The following OR3A3 variants were observed in gnomAD, a reference collection of about 807,000 sequenced individuals.
OR3A3 encodes olfactory receptor 3A3.
For missense variants in OR3A3, 275 were observed against 391.4 expected (o/e 0.70, Z 2.51); for synonymous variants, 103 against 163.9 (o/e 0.63, Z 2.84).
intron 2 of OR3A3, among the ~76,000 whole-genome samples, chr17:3,418,964 C>G (rs1035322477): frequency 6.6e-6 from 1 of 152,168 alleles, no homozygotes; most frequent in Non-Finnish European, 1.5e-5. Context: ...GAATGAAGGA[C>G]AAGTAGAAGA....
exon 2 of OR3A3, chr17:3,412,037 A>G (rs1299186666): frequency 6.6e-6 from 1 of 151,810 alleles, no homozygotes; most frequent in East Asian, 2.0e-4. Flanking sequence ...CCCTGTACAG[A>G]GAAGACAGCA....
At chr17:3,416,600 G>A (rs1455101723) in intron 2 of OR3A3, among the ~76,000 whole-genome samples, 1 of 152,038 alleles carries the variant, frequency 6.6e-6, no homozygotes, top group East Asian at 1.9e-4. Flanking sequence ...ATAGTAGTCT[G>A]TTTAGATTTT....
intron 2 of OR3A3, 56 bp from the exon 3 acceptor site, chr17:3,420,524 A>G (rs757163829): frequency 1.3e-6 from 2 of 1,579,638 alleles, no homozygotes; most frequent in Non-Finnish European, 1.7e-6. Flanking sequence ...ATGGTTTAAA[A>G]TGTTAATGTG....
chr17:3,413,868 C>G (rs887457736), intron 2 of OR3A3, among the ~76,000 whole-genome samples: 1 of 150,268 alleles, frequency 6.7e-6, no homozygotes, highest in Non-Finnish European at 1.5e-5. Context: ...CTTTAAGGAC[C>G]TCTTAGAGAT....
chr17:3,415,528 T>G (rs1297866627), intron 2 of OR3A3, among the ~76,000 whole-genome samples: 1 of 142,406 alleles, frequency 7.0e-6, no homozygotes, highest in Non-Finnish European at 1.5e-5. Flanking sequence ...GCCACTGCAC[T>G]CCAGCCTGGG....
intron 2 of OR3A3, among the ~76,000 whole-genome samples, chr17:3,418,606 C>A (rs2150681439): frequency 6.6e-6 from 1 of 152,222 alleles, no homozygotes; most frequent in Non-Finnish European, 1.5e-5. Context: ...TTTTGGTGAC[C>A]ATCCCCCAAA....
At chr17:3,414,226 C>T (rs1327960687) in intron 2 of OR3A3, among the ~76,000 whole-genome samples, 4 of 152,142 alleles carry the variant, frequency 2.6e-5, no homozygotes, top group African/African-American at 7.2e-5. Flanking sequence ...TGCCCGCCAC[C>T]GCACCGGACT....
At chr17:3,414,009 G>A (rs1327510149) in intron 2 of OR3A3, among the ~76,000 whole-genome samples, 1 of 152,126 alleles carries the variant, frequency 6.6e-6, no homozygotes, top group Non-Finnish European at 1.5e-5. Flanking sequence ...TCCTCTTGCT[G>A]TAGAGACTCC....
exon 3 of OR3A3, chr17:3,423,229 A>C (rs1220977023): frequency 2.0e-5 from 3 of 152,268 alleles, no homozygotes; most frequent in African/African-American, 7.2e-5. Context: ...ACCTCTGATC[A>C]TAATAGTCTG....
chr17:3,418,506 T>C (rs16953020), intron 2 of OR3A3, among the ~76,000 whole-genome samples: 65,444 of 152,000 alleles, frequency 0.43, 15,392 homozygotes, highest in Non-Finnish European at 0.55. Flanking sequence ...TTCAGTCCTG[T>C]CTCCTCTGCT....
chr17:3,411,714 G>T (rs1347562572), intron 1 of OR3A3, among the ~76,000 whole-genome samples: 1 of 152,170 alleles, frequency 6.6e-6, no homozygotes, highest in African/African-American at 2.4e-5. Context: ...TCCTTAGAAA[G>T]CCCATATAGA....
At chr17:3,412,836 A>G (rs930619880) in intron 2 of OR3A3, among the ~76,000 whole-genome samples, 1 of 152,140 alleles carries the variant, frequency 6.6e-6, no homozygotes, top group Non-Finnish European at 1.5e-5. Context: ...GTTAACACAA[A>G]GGAGTCCCTG....
rs555936959 is a variant in OR3A3 at position 3,418,799 on chromosome 17, T to G, written c.-6-1781T>G. Among the ~76,000 whole-genome samples the G allele has an allele frequency of 4.6e-5, 7 of 152,322 alleles. No homozygotes were observed. The South Asian group carries it at 1.2e-3, about 27-fold the overall frequency. ...TTCAGATACAAGGGTATGATATTGC[T>G]CTTAAGGAAGCTCAAGCCCTACTTG... On this transcript the variant is annotated intron_variant, in intron 2 of 2. Transcript: ENST00000641141.
chr17:3,419,728 T>C (rs955338252), intron 2 of OR3A3, among the ~76,000 whole-genome samples: 1 of 132,448 alleles, frequency 7.6e-6, no homozygotes, highest in Non-Finnish European at 1.6e-5. Context: ...GAAAATTCTA[T>C]CTTTTTTTTT....
At chr17:3,418,749 C>G (rs2072407515) in intron 2 of OR3A3, among the ~76,000 whole-genome samples, 2 of 152,196 alleles carry the variant, frequency 1.3e-5, no homozygotes, top group Admixed American at 1.3e-4. Flanking sequence ...AGTTATCAGA[C>G]TCCAACCCCT....
intron 2 of OR3A3, among the ~76,000 whole-genome samples, chr17:3,415,925 C>T (rs1354076940): frequency 6.6e-6 from 1 of 151,260 alleles, no homozygotes; most frequent in African/African-American, 2.4e-5. Context: ...TCTCATGTTT[C>T]AGCCGCATAC....
intron 2 of OR3A3, among the ~76,000 whole-genome samples, chr17:3,413,368 C>G (rs1478240247): frequency 6.6e-6 from 1 of 152,098 alleles, no homozygotes; most frequent in Non-Finnish European, 1.5e-5. Flanking sequence ...GGAAAACTAT[C>G]GCAAAAATAT....
chr17:3,415,801 T>TA (rs1567583238), intron 2 of OR3A3, among the ~76,000 whole-genome samples: 1,261 of 15,734 alleles, frequency 0.08, 16 homozygotes, highest in African/African-American at 0.17. Flanking sequence ...ATTTTTAAAT[T>TA]ATTATTATTA....
chr17:3,423,545 G>A lies in OR3A3; in HGVS notation c.*2012G>A, dbSNP rs190543906. Reference sequence around the variant, plus strand: ...TTTCAGAAATATTATACCTGATAGTGGAAACATTCAGAAAATATTATTCTT... The same window carrying A: ...TTTCAGAAATATTATACCTGATAGTAGAAACATTCAGAAAATATTATTCTT... On this transcript the variant is annotated 3_prime_UTR_variant, in exon 3 of 3. Coordinates refer to ENST00000641141, the Ensembl canonical transcript of OR3A3. 58 of 152,228 alleles carry A rather than the reference G, an allele frequency of 3.8e-4. 1 individual carries two copies. The highest frequency in any genetic ancestry group is 3.4e-3 in the Middle Eastern group (1 of 294). 9.4% of individuals were successfully genotyped at this position (152,228 alleles called of 1,614,324 possible).
Sources: allele counts gnomAD v4.1 joint callset (sites outside exome capture counted in the v4.1 genomes callset), GRCh38; gene constraint gnomAD v4.1.1; transcripts MANE v1.5; gene names NCBI Gene and HGNC (gene_info 2026-07-23, HGNC 2026-07-21).